ADARB2: variants seen among roughly 807,000 people sequenced by gnomAD.
ADARB2 encodes adenosine deaminase RNA specific B2 (inactive), also known as inactive double-stranded RNA-specific editase B2.
A neutral mutation model predicts 62.2 loss-of-function variants in ADARB2; 25 were observed. The ratio of observed to expected loss-of-function variants is 0.40; its 90% CI spans 0.29 to 0.56. The LOEUF (loss-of-function observed/expected upper bound fraction) is 0.56. ADARB2 is among the 20% of genes least tolerant of loss of function. The pLI is 0.43. For missense variants in ADARB2, 1,071 were observed against 1,077.4 expected (o/e 0.99, Z 0.08); for synonymous variants, 572 against 500.8 (o/e 1.14, Z -1.90).
At chr10:1,183,491 A>G (rs770417227) in intron 9 of ADARB2, 122 bp from the exon 10 acceptor site, 145 of 1,235,282 alleles carry the variant, frequency 1.2e-4, no homozygotes, top group Middle Eastern at 2.5e-4. Context: ...TTCTCCCACT[A>G]TTACAGAGAG....
intron 1 of ADARB2, among the ~76,000 whole-genome samples, chr10:1,592,340 ATAGGTCTCCT>A (rs778942027): frequency 7.4e-6 from 1 of 134,296 alleles, no homozygotes; most frequent in African/African-American, 2.8e-5. Context: ...GCCACCCTCC[ATAGGTCTCCT>A]CTCTGGCATG....
chr10:1,638,461 A>G (rs563024700), intron 1 of ADARB2, among the ~76,000 whole-genome samples: 6 of 152,204 alleles, frequency 3.9e-5, no homozygotes, highest in South Asian at 2.1e-4. Context: ...GTTTGACTCA[A>G]TTGAGACCTT....
chr10:1,260,852 C>T (rs1384467624), intron 4 of ADARB2, among the ~76,000 whole-genome samples: 3 of 147,654 alleles, frequency 2.0e-5, no homozygotes, highest in African/African-American at 7.5e-5. Flanking sequence ...CAAGTCAATC[C>T]TAAGCCAAAA....
intron 1 of ADARB2, among the ~76,000 whole-genome samples, chr10:1,417,848 T>C (rs1832818193): frequency 6.6e-6 from 1 of 152,210 alleles, no homozygotes; most frequent in Non-Finnish European, 1.5e-5. Flanking sequence ...GCCATGTGCG[T>C]TGAGGCCACG....
intron 3 of ADARB2, among the ~76,000 whole-genome samples, chr10:1,333,753 C>G (rs192602118): frequency 1.6e-4 from 25 of 152,186 alleles, no homozygotes; most frequent in African/African-American, 5.8e-4. Context: ...TCTGTGGGGC[C>G]GATGGTGAGA....
chr10:1,424,647 A>C (rs986204177), intron 1 of ADARB2, among the ~76,000 whole-genome samples: 1 of 149,134 alleles, frequency 6.7e-6, no homozygotes, highest in Non-Finnish European at 1.5e-5. Flanking sequence ...AGGAGTTTGC[A>C]AAAAAAAAAG....
rs375444205 is a variant in ADARB2 at position 1,182,969 on chromosome 10, C to G, written c.*224G>C. 5.4e-6 allele frequency: 3 copies of G among 558,664 alleles called. No individual in the cohort carries two copies. The highest frequency in any genetic ancestry group is 9.5e-6 in the Non-Finnish European group (3 of 314,730). The allele number at this position is 558,664 out of a possible 1,614,324, so 34.6% of individuals were successfully genotyped here. ...AAGAGTCGGCGCTAACTCAACAGTG[C>G]ATGTGCCCCTGGGTGTGGGGGACAG... is the stretch of plus-strand genomic sequence containing the variant. On this transcript the variant is annotated 3_prime_UTR_variant, in exon 10 of 10. Coordinates refer to ENST00000381312, the MANE Select transcript of ADARB2 (RefSeq NM_018702.4).
Position 1,725,061 on chromosome 10 carries a change from G to A in ADARB2, c.100+11990C>T, listed in dbSNP as rs549340814. On this transcript the variant is annotated intron_variant, in intron 1 of 9. Coordinates refer to ENST00000381312, the MANE Select transcript of ADARB2 (RefSeq NM_018702.4). Reference sequence around the variant, plus strand: ...CAAACGGACAATCAGTTAAACAGACGCACTGCACTGATTCACACCTGACTG... The same window carrying A: ...CAAACGGACAATCAGTTAAACAGACACACTGCACTGATTCACACCTGACTG... 5.9e-5 allele frequency among the ~76,000 whole-genome samples: 9 copies of A among 152,238 alleles called. No homozygotes were observed. In the South Asian group the frequency reaches 8.3e-4, roughly 14 times the overall value.
chr10:1,554,870 G>A (rs1279382058), intron 1 of ADARB2, among the ~76,000 whole-genome samples: 1 of 152,052 alleles, frequency 6.6e-6, no homozygotes, highest in African/African-American at 2.4e-5. Flanking sequence ...GAACCCAATA[G>A]TTTTTCAACC....
At chr10:1,270,501 A>T (rs1026808746) in intron 4 of ADARB2, among the ~76,000 whole-genome samples, 3 of 152,150 alleles carry the variant, frequency 2.0e-5, no homozygotes, top group Admixed American at 2.0e-4. Flanking sequence ...ATCTTCCCCC[A>T]TCCTGGCTGA....
At chr10:1,723,345 C>T (rs1188092434) in intron 1 of ADARB2, among the ~76,000 whole-genome samples, 1 of 152,232 alleles carries the variant, frequency 6.6e-6, no homozygotes, top group Non-Finnish European at 1.5e-5. Context: ...CTTTCTGAAC[C>T]CACCTGTTCA....
intron 3 of ADARB2, among the ~76,000 whole-genome samples, chr10:1,328,996 TAAAAAA>T (rs376461606): frequency 2.6e-5 from 2 of 75,678 alleles, no homozygotes; most frequent in Non-Finnish European, 4.8e-5. Context: ...GACCCTGTCT[TAAAAAA>T]AAAAAAAAAA....
At chr10:1,587,911 T>C (rs1006229797) in intron 1 of ADARB2, among the ~76,000 whole-genome samples, 9 of 152,186 alleles carry the variant, frequency 5.9e-5, no homozygotes, top group Admixed American at 5.2e-4. Flanking sequence ...CCATGTAAGA[T>C]GTGCCTTTCA....
intron 1 of ADARB2, among the ~76,000 whole-genome samples, chr10:1,574,151 C>A (rs1262982665): frequency 6.6e-6 from 1 of 152,150 alleles, no homozygotes; most frequent in East Asian, 1.9e-4. Context: ...CCAGCTGAGC[C>A]GTCTGCTGAG....
At chr10:1,637,790 G>C (rs540685513) in intron 1 of ADARB2, among the ~76,000 whole-genome samples, 3 of 152,322 alleles carry the variant, frequency 2.0e-5, no homozygotes, top group Admixed American at 1.3e-4. Context: ...CGTGGCTCCT[G>C]TTTATGAGCA....
At position 1,326,577 on chromosome 10, in the gene ADARB2, T is replaced by C. The variant is rs112372827; in HGVS notation, c.1077+36451A>G. ...TTTTCTCTGGATCCCAACATGAAAT[T>C]TGACTATTTTTATAAAAGCCGAGGA... On this transcript the variant is annotated intron_variant, in intron 3 of 9. Coordinates refer to ENST00000381312, the MANE Select transcript of ADARB2 (RefSeq NM_018702.4). Among the ~76,000 whole-genome samples, 28 of 152,310 alleles carry C rather than the reference T, an allele frequency of 1.8e-4. 1 individual carries two copies. Among genetic ancestry groups the C allele is most frequent in the African/African-American group, 5.3e-4 (22 of 41,544 alleles).
intron 1 of ADARB2, among the ~76,000 whole-genome samples, chr10:1,567,913 C>T (rs973874621): frequency 7.9e-5 from 12 of 152,324 alleles, no homozygotes; most frequent in African/African-American, 2.9e-4. Context: ...TCGGAGTGCC[C>T]TTTGCCTCCT....
chr10:1,557,458 C>T (rs557835924), intron 1 of ADARB2, among the ~76,000 whole-genome samples: 1 of 152,292 alleles, frequency 6.6e-6, no homozygotes, highest in East Asian at 1.9e-4. Context: ...CCAACAGGCC[C>T]CACGCTTCCC....
intron 6 of ADARB2, among the ~76,000 whole-genome samples, chr10:1,227,143 A>G (rs1321131350): frequency 6.6e-6 from 1 of 152,156 alleles, no homozygotes; most frequent in Non-Finnish European, 1.5e-5. Flanking sequence ...GCCGCCTTGC[A>G]GTTTGATCTG....
Sources: allele counts gnomAD v4.1 joint callset (sites outside exome capture counted in the v4.1 genomes callset), GRCh38; gene constraint gnomAD v4.1.1; transcripts MANE v1.5; gene names NCBI Gene and HGNC (gene_info 2026-07-23, HGNC 2026-07-21).